Variants in RAB1A observed in about 807,000 individuals in gnomAD.
The protein encoded by RAB1A is ras-related protein Rab-1A.
A neutral mutation model predicts 26.0 loss-of-function variants in RAB1A; 2 were observed. The observed-to-expected ratio is 0.08, with a 90% CI of 0.03 to 0.24. The LOEUF is 0.24. Among genes scored for constraint, RAB1A ranks in the 10% least tolerant of loss-of-function variants. RAB1A has a pLI of 1.00. For missense variants in RAB1A, 100 were observed against 247.0 expected, an observed-to-expected ratio of 0.40 and a Z score of 3.99; for synonymous variants, 84 against 84.9, an observed-to-expected ratio of 0.99 and a Z score of 0.06.
intron 1 of RAB1A, among the ~76,000 whole-genome samples, chr2:65,108,961 A>G (rs1669627817): frequency 6.6e-6 from 1 of 152,222 alleles, no homozygotes; most frequent in African/African-American, 2.4e-5. Context: ...TACTAACATG[A>G]CAACAGTCAC....
chr2:65,122,690 A>C (rs1240762051), intron 1 of RAB1A, among the ~76,000 whole-genome samples: 2 of 152,196 alleles, frequency 1.3e-5, no homozygotes, highest in South Asian at 4.1e-4. Context: ...AAAGAAAGCT[A>C]TTCTGGCCAG....
chr2:65,126,077 C>T (rs779364665), intron 1 of RAB1A, among the ~76,000 whole-genome samples: 4 of 151,848 alleles, frequency 2.6e-5, no homozygotes, highest in East Asian at 1.9e-4. Context: ...GCCATATTGG[C>T]CAGGCTGGTC....
chr2:65,106,460 T>A, intron 1 of RAB1A: 1 of 280,840 alleles, frequency 3.6e-6, no homozygotes, highest in Non-Finnish European at 7.1e-6. Flanking sequence ...TAAGCGATTA[T>A]CTTTGTGAAT....
chr2:65,104,587 T>G, intron 2 of RAB1A, 147 bp downstream of exon 2: 1 of 631,190 alleles, frequency 1.6e-6, no homozygotes, highest in East Asian at 2.9e-5. Context: ...AAGATACCAC[T>G]GGGGATGTAT....
chr2:65,089,185 A>G (rs758533965), intron 4 of RAB1A, 115 bp from the exon 5 acceptor site: 3 of 1,013,860 alleles, frequency 3.0e-6, no homozygotes, highest in Non-Finnish European at 4.2e-6. Flanking sequence ...AGACAACTCT[A>G]GCTACAAAAT....
At chr2:65,128,270 T>C (rs1282913597) in intron 1 of RAB1A, among the ~76,000 whole-genome samples, 2 of 152,194 alleles carry the variant, frequency 1.3e-5, no homozygotes, top group Admixed American at 6.6e-5. Context: ...TCAACTAATC[T>C]TGAAGATTTA....
At position 65,129,916 on chromosome 2, in the gene RAB1A, G is replaced by A. The variant is rs1006065576; in HGVS notation, c.-1C>T. Reference sequence around the variant, plus strand: ...ACTATTCGGGATTCATGCTGGACATGTCACTGCAGCTGCCGCCGCCGCCAC... The same window carrying A: ...ACTATTCGGGATTCATGCTGGACATATCACTGCAGCTGCCGCCGCCGCCAC... On this transcript the variant is annotated 5_prime_UTR_variant, in exon 1 of 6. Coordinates refer to ENST00000409784, the MANE Select transcript of RAB1A (RefSeq NM_004161.5). 15 of 1,592,322 alleles carry A rather than the reference G, an allele frequency of 9.4e-6. No individual in the cohort carries two copies. Among genetic ancestry groups the A allele is most frequent in the Admixed American group, 3.5e-5 (2 of 56,452 alleles).
In RAB1A at chr2:65,129,925, G is replaced by A. The variant is rs1200831486; in HGVS notation, c.-10C>T. ...GATTCATGCTGGACATGTCACTGCA[G>A]CTGCCGCCGCCGCCACCGCCGCCCT... On this transcript the variant is annotated 5_prime_UTR_variant, in exon 1 of 6. Coordinates refer to ENST00000409784, the MANE Select transcript of RAB1A (RefSeq NM_004161.5). The A allele has an allele frequency of 1.3e-6, 2 of 1,586,232 alleles. No homozygotes were observed. The highest frequency in any genetic ancestry group is 1.7e-6 in the Non-Finnish European group (2 of 1,168,046).
chr2:65,100,326 G>A (rs1212249623), intron 2 of RAB1A, among the ~76,000 whole-genome samples: 3 of 150,558 alleles, frequency 2.0e-5, no homozygotes, highest in Admixed American at 6.6e-5. Context: ...ACTTGAACCC[G>A]GGAGGTGAAG....
intron 1 of RAB1A, among the ~76,000 whole-genome samples, chr2:65,116,227 G>C (rs1472852362): frequency 2.6e-5 from 4 of 152,074 alleles, no homozygotes; most frequent in Admixed American, 2.0e-4. Flanking sequence ...AATTTGGGTA[G>C]TACCAAAGGA....
chr2:65,087,749 C>T lies in RAB1A; in HGVS notation c.*744G>A, dbSNP rs991788234. 6.6e-6 allele frequency: 1 copy of T among 152,654 alleles called. No individual in the cohort carries two copies. Among genetic ancestry groups the T allele is most frequent in the Admixed American group, 6.5e-5 (1 of 15,282 alleles). 9.5% of individuals were successfully genotyped at this position (152,654 alleles called of 1,614,324 possible). On this transcript the variant is annotated 3_prime_UTR_variant, in exon 6 of 6. Transcript: ENST00000409784. ...TAGAAAGCAAATACTGGATGCTGCT[C>T]TAAGATAGGTCTAGAATACCTTAGT...
At chr2:65,129,360 AG>A (rs915013411) in intron 1 of RAB1A, among the ~76,000 whole-genome samples, 2 of 152,094 alleles carry the variant, frequency 1.3e-5, no homozygotes, top group Admixed American at 6.6e-5. Flanking sequence ...AATCCCACGC[AG>A]TCCCGAAAAG....
rs577957174 is a variant in RAB1A, at chr2:65,093,844, G to A, written c.193-2766C>T. ...TCACCATGCTGGCCAGGCTGGTCAC[G>A]AACTCCTGACCTTGTGATCTGCGTG... On this transcript the variant is annotated intron_variant, in intron 3 of 5. Coordinates refer to ENST00000409784, the MANE Select transcript of RAB1A (RefSeq NM_004161.5). Among the ~76,000 whole-genome samples the A allele has an allele frequency of 5.9e-5, 9 of 152,080 alleles. 1 individual carries two copies. The highest frequency in any genetic ancestry group is 4.2e-4 in the South Asian group (2 of 4,816).
intron 2 of RAB1A, among the ~76,000 whole-genome samples, chr2:65,102,925 CAA>C (rs879461402): frequency 3.4e-5 from 4 of 116,640 alleles, no homozygotes; most frequent in South Asian, 2.7e-4. Context: ...TATTCCATCT[CAA>C]AAAAAAAAAA....
Position 65,088,681 on chromosome 2 carries a change from C to G in RAB1A, c.430G>C (p.Asp144His), listed in dbSNP as rs1168493643. ...TCCAAAAACGGAATTCCAAGGGAATCAGCAAATTCCTAAGAGAATAATGAG... is the reference window on the plus strand; with the variant it reads ...TCCAAAAACGGAATTCCAAGGGAATGAGCAAATTCCTAAGAGAATAATGAG... ...VDYTTAKEFA[D>H]SLGIPFLETS... Residue 144 changes from aspartate to histidine, a missense_variant, in exon 6 of 6, where the codon GAT becomes CAT. Transcript: ENST00000409784. 6.2e-7 allele frequency: 1 copy of G among 1,603,562 alleles called. No homozygotes were observed. The highest frequency in any genetic ancestry group is 1.3e-5 in the African/African-American group (1 of 74,854).
intron 4 of RAB1A, 116 bp from the exon 5 acceptor site, chr2:65,089,186 G>C (rs1023245952): frequency 1.0e-6 from 1 of 999,332 alleles, no homozygotes; most frequent in South Asian, 1.7e-5. Flanking sequence ...GACAACTCTA[G>C]CTACAAAATA....
chr2:65,102,264 C>T (rs906285688), intron 2 of RAB1A, among the ~76,000 whole-genome samples: 1 of 151,928 alleles, frequency 6.6e-6, no homozygotes, highest in African/African-American at 2.4e-5. Flanking sequence ...TGATTTCTTG[C>T]TTTTTTCTTA....
At position 65,104,845 on chromosome 2, in the gene RAB1A, C is replaced by T. The variant is rs773704831; in HGVS notation, c.24-39G>A. 10 of 1,446,226 alleles carry T rather than the reference C, an allele frequency of 6.9e-6. No individual in the cohort carries two copies. The South Asian group carries it at 9.1e-5, about 13-fold the overall frequency. The allele number at this position is 1,446,226 out of a possible 1,614,324, so 89.6% of individuals were successfully genotyped here. The stretch of plus-strand genomic sequence containing the variant: ...AAGAAAATGATGTTAATAAAAAGCA[C>T]ACTGCATTGCTATAAGCTATACAAA... On this transcript the variant is annotated intron_variant, in intron 1 of 5. Transcript: ENST00000409784.
At chr2:65,096,703 T>G (rs1293987568) in intron 3 of RAB1A, among the ~76,000 whole-genome samples, 4 of 152,228 alleles carry the variant, frequency 2.6e-5, no homozygotes, top group African/African-American at 4.8e-5. Context: ...AAGTCCTAAT[T>G]TGACACATCA....
Sources: gnomAD v4.1 joint callset for allele counts (sites outside exome capture counted in the v4.1 genomes callset) on GRCh38, gnomAD v4.1.1 for gene constraint, MANE v1.5 for transcripts, NCBI Gene and HGNC (gene_info 2026-07-23, HGNC 2026-07-21) for gene names.